Variants in CSMD3 observed in about 807,000 individuals in gnomAD.
CSMD3 encodes CUB and sushi domain-containing protein 3.
In CSMD3, 177 loss-of-function variants were observed where a neutral mutation model predicts 435.2. The ratio of observed to expected loss-of-function variants is 0.41; its 90% confidence interval spans 0.36 to 0.46. The LOEUF is 0.46. Ranked by LOEUF, CSMD3 falls within the 20% of genes least tolerant of loss-of-function variation. The pLI, the probability that CSMD3 is intolerant of heterozygous loss-of-function variation, is 0.34. For missense variants in CSMD3, 4,265 were observed against 4,504.6 expected (o/e 0.95, Z 1.52); for synonymous variants, 1,656 against 1,520.5 (o/e 1.09, Z -2.07).
intron 32 of CSMD3, among the ~76,000 whole-genome samples, chr8:112,428,143 T>A (rs1813274796): frequency 6.6e-6 from 1 of 152,200 alleles, no homozygotes; most frequent in Non-Finnish European, 1.5e-5. Flanking sequence ...GTATGCTTTT[T>A]AATTTTCTGA....
intron 19 of CSMD3, among the ~76,000 whole-genome samples, chr8:112,648,808 T>C (rs1460853967): frequency 6.6e-6 from 1 of 152,196 alleles, no homozygotes; most frequent in Non-Finnish European, 1.5e-5. Flanking sequence ...TGTAGCTTTA[T>C]TAGGGTCTGG....
At chr8:113,106,847 T>A (rs1435549233) in intron 4 of CSMD3, among the ~76,000 whole-genome samples, 2 of 148,286 alleles carry the variant, frequency 1.3e-5, no homozygotes, top group Non-Finnish European at 3.0e-5. Flanking sequence ...CTCTTTCTTT[T>A]TTTTTCTGTT....
At chr8:112,807,488 ATAGGTAGGTAGGTAGGTAGG>A (rs34951713) in intron 12 of CSMD3, among the ~76,000 whole-genome samples, 28 of 129,258 alleles carry the variant, frequency 2.2e-4, no homozygotes, top group East Asian at 6.4e-4. Context: ...GCAATTCTTG[ATAGGTAGGTAGGTAGGTAGG>A]TAGGTAGGTA....
At chr8:112,608,931 T>C (rs978067034) in intron 22 of CSMD3, among the ~76,000 whole-genome samples, 1 of 151,798 alleles carries the variant, frequency 6.6e-6, no homozygotes, top group Non-Finnish European at 1.5e-5. Context: ...ATAATTGTAA[T>C]TTCAGAGATG....
At chr8:112,367,323 A>T (rs1190167264) in intron 38 of CSMD3, among the ~76,000 whole-genome samples, 1 of 152,168 alleles carries the variant, frequency 6.6e-6, no homozygotes, top group African/African-American at 2.4e-5. Context: ...AACATATGAG[A>T]TCCAATTACT....
intron 5 of CSMD3, among the ~76,000 whole-genome samples, chr8:113,088,809 A>T (rs1266206632): frequency 1.3e-5 from 2 of 151,744 alleles, no homozygotes; most frequent in Admixed American, 6.6e-5. Context: ...ATGTATACAT[A>T]TGTAACTAAC....
chr8:113,327,434 G>T (rs1335913296), intron 1 of CSMD3, among the ~76,000 whole-genome samples: 1 of 152,004 alleles, frequency 6.6e-6, no homozygotes, highest in South Asian at 2.1e-4. Context: ...TAATATAAGG[G>T]GTGTTTTTTT....
At chr8:113,173,698 A>C in intron 4 of CSMD3, 24 bp downstream of exon 4, 2 of 1,562,204 alleles carry the variant, frequency 1.3e-6, no homozygotes, top group Non-Finnish European at 1.8e-6. Flanking sequence ...AACAACTCTC[A>C]TTTTTAAAGT....
chr8:112,507,449 T>G (rs375492482), intron 28 of CSMD3, among the ~76,000 whole-genome samples: 1 of 152,046 alleles, frequency 6.6e-6, no homozygotes, highest in Admixed American at 6.6e-5. Flanking sequence ...TTCAAAAAAA[T>G]AGAGAAATGA....
intron 35 of CSMD3, among the ~76,000 whole-genome samples, chr8:112,396,807 G>A (rs1205243612): frequency 6.6e-6 from 1 of 152,150 alleles, no homozygotes; most frequent in Non-Finnish European, 1.5e-5. Context: ...CAGTTCGATG[G>A]TTGCTGTAAA....
chr8:112,348,652 A>G (rs1825878795), intron 40 of CSMD3, among the ~76,000 whole-genome samples: 1 of 152,100 alleles, frequency 6.6e-6, no homozygotes, highest in South Asian at 2.1e-4. Flanking sequence ...ATCTCAGCAC[A>G]CTGGTATACC....
At chr8:112,712,394 A>T (rs2076628379) in intron 13 of CSMD3, among the ~76,000 whole-genome samples, 1 of 152,158 alleles carries the variant, frequency 6.6e-6, no homozygotes, top group African/African-American at 2.4e-5. Context: ...TTTACCGTGT[A>T]AGTGGTTGAT....
intron 5 of CSMD3, among the ~76,000 whole-genome samples, chr8:113,029,262 C>T (rs191076736): frequency 1.3e-5 from 2 of 151,546 alleles, no homozygotes; most frequent in Admixed American, 1.3e-4. Context: ...GGAACCCTCC[C>T]TAATTCATTC....
intron 13 of CSMD3, among the ~76,000 whole-genome samples, chr8:112,709,037 C>G (rs1246482719): frequency 6.6e-6 from 1 of 152,048 alleles, no homozygotes; most frequent in East Asian, 1.9e-4. Context: ...GTGGCTGCCT[C>G]CCTTGCTACA....
chr8:112,541,909 A>G (rs1255698092), intron 27 of CSMD3, among the ~76,000 whole-genome samples: 1 of 151,964 alleles, frequency 6.6e-6, no homozygotes, highest in Non-Finnish European at 1.5e-5. Flanking sequence ...ACTAAATCCA[A>G]CAGCACATTA....
chr8:113,174,184 ATATT>A (rs1225089018), intron 3 of CSMD3, among the ~76,000 whole-genome samples: 2 of 152,144 alleles, frequency 1.3e-5, no homozygotes, highest in Non-Finnish European at 2.9e-5. Context: ...TCATATATTA[ATATT>A]TACTCAGATA....
intron 3 of CSMD3, among the ~76,000 whole-genome samples, chr8:113,211,250 T>C (rs2092831345): frequency 6.6e-6 from 1 of 152,206 alleles, no homozygotes; most frequent in African/African-American, 2.4e-5. Context: ...TTAGTGTGTG[T>C]AGTAGAGGTT....
chr8:113,334,749 G>C lies in CSMD3; in HGVS notation c.179-19956C>G, dbSNP rs549083800. 2.0e-5 allele frequency among the ~76,000 whole-genome samples: 3 copies of C among 152,066 alleles called. No homozygotes were observed. The South Asian group carries it at 6.2e-4, about 32-fold the overall frequency. Reference sequence around the variant, plus strand: ...GAATTCTATTTTCTTAATAGTTATAGGGCTATTTGCAATATTTATTTCATA... The same window carrying C: ...GAATTCTATTTTCTTAATAGTTATACGGCTATTTGCAATATTTATTTCATA... On this transcript the variant is annotated intron_variant, in intron 1 of 70. Coordinates refer to ENST00000297405, the MANE Select transcript of CSMD3 (RefSeq NM_198123.2).
chr8:112,928,294 C>T (rs1489217518), intron 9 of CSMD3, among the ~76,000 whole-genome samples: 1 of 152,120 alleles, frequency 6.6e-6, no homozygotes, highest in African/African-American at 2.4e-5. Context: ...AGTTAAATAG[C>T]TAACCAAGCT....
Sources: allele counts gnomAD v4.1 joint callset (sites outside exome capture counted in the v4.1 genomes callset), GRCh38; gene constraint gnomAD v4.1.1; transcripts MANE v1.5; gene names NCBI Gene and HGNC (gene_info 2026-07-23, HGNC 2026-07-21).